The following MBD5 variants were observed in gnomAD, a reference collection of about 807,000 sequenced individuals.
MBD5 encodes the protein methyl-CpG binding domain protein 5, also known as methyl-CpG-binding domain protein 5.
MBD5 carries 13 observed loss-of-function variants against 117.3 expected under a neutral mutation model. That is an observed-to-expected ratio of 0.11 (90% CI 0.07 to 0.18). MBD5 has a LOEUF of 0.18. MBD5 is among the 10% of genes least tolerant of loss of function. MBD5 has a pLI of 1.00. For synonymous variants in MBD5, 727 were observed against 766.4 expected, an observed-to-expected ratio of 0.95 and a Z score of 0.85; for missense variants, 1,879 against 2,093.8, an observed-to-expected ratio of 0.90 and a Z score of 2.00.
intron 1 of MBD5, among the ~76,000 whole-genome samples, chr2:148,170,718 G>A (rs1380982719): frequency 6.6e-6 from 1 of 152,144 alleles, no homozygotes; most frequent in East Asian, 1.9e-4. Flanking sequence ...CAATAGCTCA[G>A]GGAAGTAGAA....
At chr2:148,245,841 A>T (rs115775727) in intron 3 of MBD5, among the ~76,000 whole-genome samples, 2,555 of 152,274 alleles carry the variant, frequency 0.017, 29 homozygotes, top group East Asian at 0.035. Context: ...TTTACATGAG[A>T]CATTAAGTAA....
At chr2:148,340,562 T>G (rs563061019) in intron 3 of MBD5, among the ~76,000 whole-genome samples, 1 of 152,258 alleles carries the variant, frequency 6.6e-6, no homozygotes, top group East Asian at 1.9e-4. Context: ...GATATCGATA[T>G]GTAGTGTTTT....
intron 3 of MBD5, among the ~76,000 whole-genome samples, chr2:148,313,646 G>T (rs1485835525): frequency 1.3e-5 from 2 of 152,162 alleles, no homozygotes; most frequent in Non-Finnish European, 2.9e-5. Context: ...CCAGGGGAGT[G>T]AACGGTTCTG....
intron 4 of MBD5, among the ~76,000 whole-genome samples, chr2:148,358,864 A>G (rs1212092397): frequency 6.6e-6 from 1 of 152,268 alleles, no homozygotes; most frequent in African/African-American, 2.4e-5. Context: ...GAAATAATCT[A>G]ATCTCTACCT....
chr2:148,043,047 T>G (rs900281863), intron 1 of MBD5, among the ~76,000 whole-genome samples: 5 of 152,062 alleles, frequency 3.3e-5, no homozygotes, highest in South Asian at 2.1e-4. Context: ...TGAAAACGAA[T>G]GAACTCCTAG....
At chr2:148,448,890 G>A (rs1465213406) in intron 4 of MBD5, among the ~76,000 whole-genome samples, 1 of 151,950 alleles carries the variant, frequency 6.6e-6, no homozygotes, top group South Asian at 2.1e-4. Flanking sequence ...AACCTTGTTG[G>A]TGTACTCTTA....
chr2:148,045,534 C>A (rs1694498289), intron 1 of MBD5, among the ~76,000 whole-genome samples: 1 of 152,138 alleles, frequency 6.6e-6, no homozygotes, highest in African/African-American at 2.4e-5. Flanking sequence ...GGCATTTAAT[C>A]CTTATCTGTG....
rs574185129 is a variant in MBD5 at position 148,386,546 on chromosome 2, G to A, written c.-557+44210G>A. ...ATCCCGGCTAAAACGGTGAAACCCC[G>A]TCTCTACTAAAAATACAAAAAAATT... On this transcript the variant is annotated intron_variant, in intron 4 of 13. Coordinates refer to ENST00000642680, the MANE Select transcript of MBD5 (RefSeq NM_001378120.1). Among the ~76,000 whole-genome samples, 809 of 151,224 alleles carry A rather than the reference G, an allele frequency of 5.3e-3. 7 individuals are homozygous for A. The highest frequency in any genetic ancestry group is 0.019 in the African/African-American group (775 of 41,240).
intron 4 of MBD5, among the ~76,000 whole-genome samples, chr2:148,403,515 A>G (rs77455407): frequency 0.035 from 5,314 of 152,280 alleles, 130 homozygotes; most frequent in Non-Finnish European, 0.052. Flanking sequence ...TGCTAATTCT[A>G]AAAATCTGTG....
At chr2:148,355,700 A>G (rs1231259249) in intron 4 of MBD5, among the ~76,000 whole-genome samples, 1 of 152,144 alleles carries the variant, frequency 6.6e-6, no homozygotes, top group African/African-American at 2.4e-5. Context: ...ATATAGTTTG[A>G]AGTCCAGTAG....
At chr2:148,263,490 G>A (rs750474783) in intron 3 of MBD5, among the ~76,000 whole-genome samples, 4 of 152,210 alleles carry the variant, frequency 2.6e-5, no homozygotes, top group South Asian at 2.1e-4. Flanking sequence ...AACTTTTGGT[G>A]CTGTTTTATA....
intron 4 of MBD5, among the ~76,000 whole-genome samples, chr2:148,349,548 A>G (rs1703202590): frequency 6.6e-6 from 1 of 151,986 alleles, no homozygotes; most frequent in Non-Finnish European, 1.5e-5. Flanking sequence ...CTTAAGTCAC[A>G]ACGTGTTAAT....
chr2:148,241,417 A>G (rs1276951220), intron 3 of MBD5, among the ~76,000 whole-genome samples: 1 of 151,458 alleles, frequency 6.6e-6, no homozygotes, highest in Non-Finnish European at 1.5e-5. Flanking sequence ...TGGGGTTCAA[A>G]CTCGAAACTC....
chr2:148,199,104 A>G (rs1699069709), intron 2 of MBD5, among the ~76,000 whole-genome samples: 1 of 152,188 alleles, frequency 6.6e-6, no homozygotes, highest in Non-Finnish European at 1.5e-5. Context: ...GGAAGGCCAC[A>G]GGCTGAAAAC....
intron 2 of MBD5, among the ~76,000 whole-genome samples, chr2:148,215,611 T>C (rs7599826): frequency 0.018 from 2,665 of 151,810 alleles, 80 homozygotes; most frequent in African/African-American, 0.061. Flanking sequence ...AGCCTGGAAC[T>C]CCAGGCCTCA....
chr2:148,143,091 G>C (rs1697357570), intron 1 of MBD5, among the ~76,000 whole-genome samples: 1 of 152,154 alleles, frequency 6.6e-6, no homozygotes. Flanking sequence ...TCAACCAATA[G>C]GGTTTAAAAA....
chr2:148,084,800 T>C (rs1573996195), intron 1 of MBD5, among the ~76,000 whole-genome samples: 1 of 152,202 alleles, frequency 6.6e-6, no homozygotes, highest in African/African-American at 2.4e-5. Context: ...TGATGGCTGG[T>C]TTTTATCCTG....
intron 3 of MBD5, among the ~76,000 whole-genome samples, chr2:148,270,270 C>T (rs374215049): frequency 6.6e-6 from 1 of 152,244 alleles, no homozygotes; most frequent in South Asian, 2.1e-4. Flanking sequence ...TTATATTTTG[C>T]AAGCCCTAAA....
At chr2:148,048,811 A>G (rs867277258) in intron 1 of MBD5, among the ~76,000 whole-genome samples, 1 of 152,136 alleles carries the variant, frequency 6.6e-6, no homozygotes, top group Non-Finnish European at 1.5e-5. Context: ...TAAAGTTACT[A>G]CTTTGCTCCC....
Sources: gnomAD v4.1 joint callset for allele counts (sites outside exome capture counted in the v4.1 genomes callset) on GRCh38, gnomAD v4.1.1 for gene constraint, MANE v1.5 for transcripts, NCBI Gene and HGNC (gene_info 2026-07-23, HGNC 2026-07-21) for gene names.